The following TAMM41 variants were observed in gnomAD, a reference collection of about 807,000 sequenced individuals.
TAMM41 encodes the protein phosphatidate cytidylyltransferase, mitochondrial.
Under a neutral mutation model 44.1 loss-of-function variants are expected in TAMM41, and 36 were observed. The ratio of observed to expected loss-of-function variants is 0.82; its 90% CI spans 0.63 to 1.08. The LOEUF (loss-of-function observed/expected upper bound fraction) is 1.08. Among genes scored for constraint, TAMM41 ranks in the 50% least tolerant of loss-of-function variants. TAMM41 has a pLI of 0.00. For missense variants in TAMM41, 417 were observed against 404.3 expected (o/e 1.03, Z -0.27); for synonymous variants, 164 against 153.1 (o/e 1.07, Z -0.53).
chr3:11,742,037 T>C, the TAMM41 span, among the ~76,000 whole-genome samples: 3 of 150,264 alleles, frequency 2.0e-5, 1 homozygote, highest in African/African-American at 2.5e-5. Flanking sequence ...CATTTAATAT[T>C]GACCTTGGCA....
intron 7 of TAMM41, among the ~76,000 whole-genome samples, chr3:11,806,914 TA>T (rs1238560213): frequency 5.9e-5 from 9 of 151,948 alleles, no homozygotes; most frequent in Admixed American, 2.0e-4. Context: ...ATCCTAGAAG[TA>T]AAAGATAAAT....
At chr3:11,807,114 C>T in intron 7 of TAMM41, 1 of 941,050 alleles carries the variant, frequency 1.1e-6, no homozygotes, top group Non-Finnish European at 1.3e-6. Context: ...GTGCACCAAG[C>T]AAGTGAAAGA....
the TAMM41 span, among the ~76,000 whole-genome samples, chr3:11,779,358 G>C: frequency 3.7e-3 from 563 of 152,228 alleles, 7 homozygotes; most frequent in African/African-American, 0.013. Context: ...CCTTTTAATT[G>C]CCAGGTCGTG....
At chr3:11,840,266 T>G (rs2079376099) in intron 2 of TAMM41, among the ~76,000 whole-genome samples, 1 of 150,844 alleles carries the variant, frequency 6.6e-6, no homozygotes, top group Non-Finnish European at 1.5e-5. Flanking sequence ...GGAGTCTCAC[T>G]CTGTCACCCA....
At chr3:11,760,383 C>T in the TAMM41 span, among the ~76,000 whole-genome samples, 5 of 152,170 alleles carry the variant, frequency 3.3e-5, no homozygotes, top group African/African-American at 1.2e-4. Context: ...TTCACTTCTT[C>T]ATAAACTTAG....
At chr3:11,738,670 C>T in the TAMM41 span, among the ~76,000 whole-genome samples, 2 of 152,136 alleles carry the variant, frequency 1.3e-5, no homozygotes, top group Non-Finnish European at 2.9e-5. Flanking sequence ...GGATGATCCT[C>T]CCCAAAAAAT....
At chr3:11,771,783 A>G in the TAMM41 span, among the ~76,000 whole-genome samples, 340 of 150,800 alleles carry the variant, frequency 2.3e-3, 1 homozygote, top group African/African-American at 7.4e-3. Context: ...GGGTTTCACC[A>G]TGTTTGCCAG....
chr3:11,795,867 G>A (rs1275012983), intron 7 of TAMM41, among the ~76,000 whole-genome samples: 1 of 152,182 alleles, frequency 6.6e-6, no homozygotes, highest in East Asian at 1.9e-4. Flanking sequence ...ACCATGAAAG[G>A]AAGAGCAGGC....
chr3:11,730,320 C>T, the TAMM41 span, among the ~76,000 whole-genome samples: 1 of 150,660 alleles, frequency 6.6e-6, no homozygotes, highest in African/African-American at 2.5e-5. Context: ...GCTCTGGAGG[C>T]TGAGGCAGAG....
intron 7 of TAMM41, among the ~76,000 whole-genome samples, chr3:11,805,044 G>T (rs1234009830): frequency 8.6e-6 from 1 of 116,250 alleles, no homozygotes; most frequent in Non-Finnish European, 1.7e-5. Flanking sequence ...TCTCACTCTC[G>T]CCCAGGCCAG....
chr3:11,763,467 A>C, the TAMM41 span, among the ~76,000 whole-genome samples: 2 of 152,234 alleles, frequency 1.3e-5, no homozygotes, highest in Non-Finnish European at 2.9e-5. Context: ...AAGAAAAAAG[A>C]TGGGAAAATT....
intron 3 of TAMM41, among the ~76,000 whole-genome samples, chr3:11,831,070 T>C (rs1221278362): frequency 6.6e-6 from 1 of 152,154 alleles, no homozygotes; most frequent in East Asian, 1.9e-4. Context: ...GCTAGAAAGA[T>C]CAAGTGAGTT....
chr3:11,816,803 A>G (rs1183905504), intron 5 of TAMM41, among the ~76,000 whole-genome samples: 5 of 152,098 alleles, frequency 3.3e-5, no homozygotes, highest in Non-Finnish European at 5.9e-5. Context: ...AACAACAACC[A>G]GACACCAAAC....
the TAMM41 span, among the ~76,000 whole-genome samples, chr3:11,732,472 G>T: frequency 2.6e-5 from 4 of 152,204 alleles, no homozygotes; most frequent in East Asian, 7.7e-4. Context: ...AGGTGTTGGG[G>T]AAGAGGTGGG....
At chr3:11,787,945 T>C (rs2077426402), downstream of TAMM41, among the ~76,000 whole-genome samples, 1 of 152,150 alleles carries the variant, frequency 6.6e-6, no homozygotes, top group Admixed American at 6.5e-5. Context: ...TGAATCACCT[T>C]AGATTGAGGA....
At chr3:11,754,834 G>T in the TAMM41 span, among the ~76,000 whole-genome samples, 1 of 151,354 alleles carries the variant, frequency 6.6e-6, no homozygotes, top group African/African-American at 2.4e-5. Context: ...GAGTAAGTGG[G>T]ATCACAGGCA....
chr3:11,774,800 T>G, the TAMM41 span, among the ~76,000 whole-genome samples: 1 of 152,120 alleles, frequency 6.6e-6, no homozygotes, highest in East Asian at 1.9e-4. Context: ...TTGCTGATAG[T>G]GTCCTAATCT....
At chr3:11,817,747 A>G (rs186521840) in intron 4 of TAMM41, among the ~76,000 whole-genome samples, 2 of 152,278 alleles carry the variant, frequency 1.3e-5, no homozygotes, top group African/African-American at 2.4e-5. Context: ...TTGCTTCCTC[A>G]TCGTTGACCT....
intron 5 of TAMM41, among the ~76,000 whole-genome samples, chr3:11,813,687 G>A (rs528937854): frequency 2.0e-3 from 300 of 151,954 alleles, no homozygotes; most frequent in African/African-American, 7.0e-3. Context: ...GGTGGCTCTT[G>A]CCTGTAATCC....
Sources: gnomAD v4.1 joint callset for allele counts (sites outside exome capture counted in the v4.1 genomes callset) on GRCh38, gnomAD v4.1.1 for gene constraint, MANE v1.5 for transcripts, NCBI Gene and HGNC (gene_info 2026-07-23, HGNC 2026-07-21) for gene names.